The following SFI1 variants were observed in gnomAD, a reference collection of about 807,000 sequenced individuals.
The protein encoded by SFI1 is protein SFI1 homolog.
In SFI1, 195 loss-of-function variants were observed where a neutral mutation model predicts 207.5. The ratio of observed to expected loss-of-function variants is 0.94; its 90% CI spans 0.84 to 1.06. The LOEUF is 1.06. SFI1 is among the 50% of genes least tolerant of loss of function. The probability of loss-of-function intolerance (pLI) is 0.00; values close to 1 mark genes in which losing one functional copy is unlikely to be tolerated. For synonymous variants in SFI1, 630 were observed against 598.9 expected (o/e 1.05, Z -0.76); for missense variants, 1,634 against 1,588.0 (o/e 1.03, Z -0.49).
intron 8 of SFI1, among the ~76,000 whole-genome samples, chr22:31,562,656 CAG>C (rs2061836925): frequency 6.6e-6 from 1 of 151,682 alleles, no homozygotes; most frequent in Admixed American, 6.6e-5. Context: ...TTTTTTGAGA[CAG>C]AGTCTCGCTC....
At chr22:31,544,239 T>C (rs768428251) in intron 4 of SFI1, among the ~76,000 whole-genome samples, 1 of 152,108 alleles carries the variant, frequency 6.6e-6, no homozygotes, top group Non-Finnish European at 1.5e-5. Context: ...CTGTGTTCCT[T>C]ATTACCTTTT....
chr22:31,546,337 C>CT (rs1569271401), intron 4 of SFI1, among the ~76,000 whole-genome samples: 2 of 151,524 alleles, frequency 1.3e-5, no homozygotes, highest in East Asian at 2.0e-4. Context: ...TTTACTTTTT[C>CT]TTTTTTTTCT....
intron 15 of SFI1, among the ~76,000 whole-genome samples, chr22:31,601,128 CTTTT>C (rs11354377): frequency 7.5e-5 from 6 of 80,310 alleles, no homozygotes; most frequent in Admixed American, 1.5e-4. Context: ...CTTTTCTTTA[CTTTT>C]TTTTTTTTTT....
intron 10 of SFI1, 84 bp from the exon 11 acceptor site, chr22:31,578,298 A>G (rs2063733967): frequency 1.5e-6 from 2 of 1,354,172 alleles, no homozygotes; most frequent in Non-Finnish European, 2.0e-6. Flanking sequence ...CCCGATAGCC[A>G]CGGCCCTTCA....
At chr22:31,504,862 C>A (rs2023534960) in intron 1 of SFI1, among the ~76,000 whole-genome samples, 1 of 152,170 alleles carries the variant, frequency 6.6e-6, no homozygotes. Flanking sequence ...AAGAAAGACA[C>A]AAATCGTGTT....
rs1403682868 is a variant in SFI1, at chr22:31,618,353, G to A, written c.3664G>A (p.Ala1222Thr). The A allele has an allele frequency of 1.2e-6, 2 of 1,609,390 alleles. No homozygotes were observed. The highest frequency in any genetic ancestry group is 1.1e-5 in the South Asian group (1 of 90,882). ...QIQLLAEELQ[A>T]QRQPIGACVA... Reference sequence around the variant, plus strand: ...CCAGCTGCTGGCAGAGGAGCTCCAGGCTCAGCGCCAGCCCATTGGCGCCTG... The same window carrying A: ...CCAGCTGCTGGCAGAGGAGCTCCAGACTCAGCGCCAGCCCATTGGCGCCTG... The change falls in exon 33 of 33, where the codon GCT becomes ACT. Residue 1222 changes from alanine (A) to threonine (T), a missense_variant. Coordinates refer to ENST00000400288, the MANE Select transcript of SFI1 (RefSeq NM_001007467.3).
At chr22:31,608,064 G>T in intron 22 of SFI1, 31 bp downstream of exon 22, 1 of 1,575,952 alleles carries the variant, frequency 6.3e-7, no homozygotes. Flanking sequence ...AAGTCATGTT[G>T]AGGAATGTGA....
At position 31,581,918 on chromosome 22, in the gene SFI1, C is replaced by T. The variant is rs536256850; in HGVS notation, c.1248+1554C>T. On this transcript the variant is annotated intron_variant, in intron 12 of 32. Transcript: ENST00000400288. The stretch of plus-strand genomic sequence containing the variant: ...CTTTGCACCTAAATATTTCAGCATG[C>T]GTCACTCAGAGACATTTTCTTATGT... Among the ~76,000 whole-genome samples, 138 of 151,892 alleles carry T rather than the reference C, an allele frequency of 9.1e-4. 1 individual carries two copies. Among genetic ancestry groups the T allele is most frequent in the Non-Finnish European group, 1.6e-3 (108 of 67,960 alleles).
chr22:31,556,392 T>C lies in SFI1; in HGVS notation c.545-550T>C, dbSNP rs145092349. 2.6e-3 allele frequency among the ~76,000 whole-genome samples: 400 copies of C among 152,254 alleles called. 1 individual carries two copies. Among genetic ancestry groups the C allele is most frequent in the African/African-American group, 9.0e-3 (375 of 41,550 alleles). On this transcript the variant is annotated intron_variant, in intron 6 of 32. Transcript: ENST00000400288. ...GCACGCCACCACACCTGGCTAATTTTTGTACTTTTAGTAGAGATGGGGTTT... is the reference window on the plus strand; with the variant it reads ...GCACGCCACCACACCTGGCTAATTTCTGTACTTTTAGTAGAGATGGGGTTT...
Position 31,601,244 on chromosome 22 carries a change from C to A in SFI1, c.1545-968C>A, listed in dbSNP as rs543064695. On this transcript the variant is annotated intron_variant, in intron 15 of 32. Transcript: ENST00000400288. Reference sequence around the variant, plus strand: ...GTTCATGTCATTCTCCTGCCTCAGCCTCCCAAGTAGCTGGGACTACAGGCG... The same window carrying A: ...GTTCATGTCATTCTCCTGCCTCAGCATCCCAAGTAGCTGGGACTACAGGCG... Among the ~76,000 whole-genome samples the A allele has an allele frequency of 5.3e-5, 8 of 150,958 alleles. No individual in the cohort carries two copies. The South Asian group carries it at 1.5e-3, about 28-fold the overall frequency.
At chr22:31,518,049 C>T (rs999066350) in intron 2 of SFI1, among the ~76,000 whole-genome samples, 2 of 152,162 alleles carry the variant, frequency 1.3e-5, no homozygotes, top group African/African-American at 4.8e-5. Context: ...AGGAGTGGCA[C>T]AATCTTGGCG....
At chr22:31,587,327 G>T in intron 14 of SFI1, 1 of 191,236 alleles carries the variant, frequency 5.2e-6, no homozygotes, top group South Asian at 3.2e-5. Flanking sequence ...TTTTGAGACA[G>T]GTTTCACTTT....
intron 5 of SFI1, among the ~76,000 whole-genome samples, chr22:31,547,610 C>CTGTTTTTTT (rs1555987881): frequency 6.9e-6 from 1 of 145,620 alleles, no homozygotes; most frequent in Non-Finnish European, 1.5e-5. Context: ...CGCGCCAGGC[C>CTGTTTTTTT]TGTTTTTTTT....
intron 2 of SFI1, among the ~76,000 whole-genome samples, chr22:31,523,945 ACTT>A (rs1317528448): frequency 2.1e-5 from 3 of 146,134 alleles, no homozygotes; most frequent in South Asian, 2.1e-4. Context: ...GGCAAGGACT[ACTT>A]TTTTTTTTTT....
chr22:31,529,931 G>A (rs891261113), intron 3 of SFI1, among the ~76,000 whole-genome samples: 2 of 152,050 alleles, frequency 1.3e-5, no homozygotes, highest in East Asian at 1.9e-4. Flanking sequence ...AGCACTTTGG[G>A]AGGCCGAGGC....
chr22:31,546,657 C>T (rs921849121), intron 4 of SFI1, among the ~76,000 whole-genome samples: 2 of 122,180 alleles, frequency 1.6e-5, no homozygotes, highest in Non-Finnish European at 3.3e-5. Flanking sequence ...TTAGTAGAGA[C>T]GGGGTTTCAC....
intron 10 of SFI1, among the ~76,000 whole-genome samples, chr22:31,576,897 G>A (rs564931601): frequency 2.0e-5 from 3 of 151,908 alleles, no homozygotes; most frequent in African/African-American, 4.8e-5. Context: ...TGCCCGCCTC[G>A]GCCTTCCAAA....
chr22:31,557,484 C>T (rs138703670), intron 7 of SFI1, among the ~76,000 whole-genome samples: 1,645 of 152,220 alleles, frequency 0.011, 30 homozygotes, highest in Non-Finnish European at 0.011. Flanking sequence ...CCACCATGCC[C>T]CCTTCCCACC....
chr22:31,498,722 A>G, intron 1 of SFI1, among the ~76,000 whole-genome samples: 1 of 152,180 alleles, frequency 6.6e-6, no homozygotes, highest in East Asian at 1.9e-4. Flanking sequence ...GAGAGACTCA[A>G]GACCCGAGTG....
Sources: gnomAD v4.1 joint callset for allele counts (sites outside exome capture counted in the v4.1 genomes callset) on GRCh38, gnomAD v4.1.1 for gene constraint, MANE v1.5 for transcripts, NCBI Gene and HGNC (gene_info 2026-07-23, HGNC 2026-07-21) for gene names.